The following ZNF777 variants were observed in gnomAD, a reference collection of about 807,000 sequenced individuals.
ZNF777 encodes zinc finger protein 777.
A neutral mutation model predicts 72.1 loss-of-function variants in ZNF777; 7 were observed. That is an observed-to-expected ratio of 0.10 (90% CI 0.06 to 0.18). The LOEUF (loss-of-function observed/expected upper bound fraction) is 0.18, where lower values mean the gene tolerates loss of function less well. Among genes scored for constraint, ZNF777 ranks in the 10% least tolerant of loss-of-function variants. The pLI is 1.00. For missense variants in ZNF777, 828 were observed against 1,128.6 expected (o/e 0.73, Z 3.82); for synonymous variants, 545 against 483.5 (o/e 1.13, Z -1.67).
In ZNF777 at chr7:149,447,878, G is replaced by A. The variant is rs1461300885; in HGVS notation, c.1087+3121C>T. Among the ~76,000 whole-genome samples, 3 of 152,128 alleles carry A rather than the reference G, an allele frequency of 2.0e-5. No homozygotes were observed. In the East Asian group the frequency reaches 5.8e-4, roughly 29 times the overall value. ...TGCTTTCATCTGTGGGGGGTGTTTT[G>A]GTTGTTAATGTCAGTCGCTCCACAG... On this transcript the variant is annotated intron_variant, in intron 4 of 5. Transcript: ENST00000247930.
At chr7:149,443,556 G>GT (rs1323466000) in intron 4 of ZNF777, among the ~76,000 whole-genome samples, 1 of 151,986 alleles carries the variant, frequency 6.6e-6, no homozygotes, top group Non-Finnish European at 1.5e-5. Flanking sequence ...ATACTGTTAG[G>GT]TTTTTTTAAT....
intron 4 of ZNF777, among the ~76,000 whole-genome samples, chr7:149,438,514 C>T (rs912616324): frequency 1.3e-5 from 2 of 152,166 alleles, no homozygotes; most frequent in Admixed American, 1.3e-4. Context: ...TACTAGCAGA[C>T]ACTGAGCACC....
At position 149,432,155 on chromosome 7, in the gene ZNF777, G is replaced by A. The variant is rs1799319320; in HGVS notation, c.2117C>T (p.Pro706Leu). The A allele has an allele frequency of 6.2e-7, 1 of 1,602,958 alleles. No homozygotes were observed. The highest frequency in any genetic ancestry group is 1.7e-5 in the Admixed American group (1 of 59,864). Residue 706 changes from proline (P) to leucine (L), a missense_variant, in exon 6 of 6, where the codon CCC becomes CTC. Physicochemically the swap from Pro to Leu is moderately conservative, Grantham distance 98. Around this residue, in one of 12 missense-constraint regions of ZNF777, gnomAD observed 49 missense variants for 135.8 expected, o/e 0.36. Coordinates refer to ENST00000247930, the MANE Select transcript of ZNF777 (RefSeq NM_015694.3). ...CCGCTGGTGGCGCAGCAGGTGCGAGGGGCGGCTGAAGCTCTTGCCGCACAG... is the reference window on the plus strand; with the variant it reads ...CCGCTGGTGGCGCAGCAGGTGCGAGAGGCGGCTGAAGCTCTTGCCGCACAG... ...CSLCGKSFSRPSHLLRHQRTH... is the reference protein window; with the variant it reads ...CSLCGKSFSRLSHLLRHQRTH...
At position 149,436,594 on chromosome 7, in the gene ZNF777, C is replaced by T. The variant is rs758282670; in HGVS notation, c.1320G>A (p.Val440=). 103 of 1,607,924 alleles carry T rather than the reference C, an allele frequency of 6.4e-5. No individual in the cohort carries two copies. Among genetic ancestry groups the T allele is most frequent in the Non-Finnish European group, 8.5e-5 (100 of 1,177,562 alleles). ...ACTCACCCGTGCAGTTCCTCTGCTG[C>T]ACCAGCATCTGCTTCAGTTCGCTGA... ...SEFSELKQML[V]QQRNCTEGIV... The change falls in exon 5 of 6, where the codon GTG becomes GTA. Residue 440 remains valine, a synonymous_variant. Coordinates refer to ENST00000247930, the MANE Select transcript of ZNF777 (RefSeq NM_015694.3). The surrounding 1 kb of genome is among the most constrained non-coding windows in gnomAD (Gnocchi z 5.0).
Position 149,460,141 on chromosome 7 carries a change from G to A in ZNF777, c.-16+674C>T. ...CCCTCACAGGAGCCGGGGCCGCCTC[G>A]GCCATGGCCCTGCGCTGTCCGGCCC... On this transcript the variant is annotated intron_variant, in intron 1 of 5. Transcript: ENST00000247930. The surrounding 1 kb of genome is among the most constrained non-coding windows in gnomAD (Gnocchi z 6.1). 1 of 979,226 alleles carries A rather than the reference G, an allele frequency of 1.0e-6. No individual in the cohort carries two copies. Among genetic ancestry groups the A allele is most frequent in the Non-Finnish European group, 1.2e-6 (1 of 826,632 alleles). 60.7% of individuals were successfully genotyped at this position (979,226 alleles called of 1,614,324 possible).
At chr7:149,445,076 ATTTTC>A (rs1301830332) in intron 4 of ZNF777, among the ~76,000 whole-genome samples, 1 of 144,480 alleles carries the variant, frequency 6.9e-6, no homozygotes, top group East Asian at 2.0e-4. Context: ...TTTTTTCCCT[ATTTTC>A]TTTTCTTTTA....
rs148217571 is a variant in ZNF777, at chr7:149,442,274, T to TACACAC, written c.1088-5454_1088-5449dup. 1.0e-3 allele frequency among the ~76,000 whole-genome samples: 142 copies of TACACAC among 138,560 alleles called. No homozygotes were observed. The Middle Eastern group carries it at 0.015, about 14-fold the overall frequency. The allele number at this position is 138,560 out of a possible 152,430, so 90.9% of individuals were successfully genotyped here. ...ATACATAAAAGTTAAAAACTGCTAT[T>TACACAC]ACACACACACACACACACACACACA... On this transcript the variant is annotated intron_variant, in intron 4 of 5. Coordinates refer to ENST00000247930, the MANE Select transcript of ZNF777 (RefSeq NM_015694.3).
At chr7:149,450,718 C>T (rs1799696931) in intron 4 of ZNF777, among the ~76,000 whole-genome samples, 1 of 152,188 alleles carries the variant, frequency 6.6e-6, no homozygotes, top group African/African-American at 2.4e-5. Context: ...CAAGGGACTG[C>T]CTTTCTTTGA....
Position 149,431,390 on chromosome 7 carries a change from C to CAAAT in ZNF777, c.*382_*385dup, listed in dbSNP as rs1184803146. ...CTTTTAAAAATTACTCTATTATTATCAAATAGAACCACAGTATCCAAAAGG... is the reference window on the plus strand; with the variant it reads ...CTTTTAAAAATTACTCTATTATTATCAAATAAATAGAACCACAGTATCCAAAAGG... On this transcript the variant is annotated 3_prime_UTR_variant, in exon 6 of 6. Transcript: ENST00000247930. 5.2e-6 allele frequency: 2 copies of CAAAT among 383,086 alleles called. No homozygotes were observed. Among genetic ancestry groups the CAAAT allele is most frequent in the Admixed American group, 4.1e-5 (1 of 24,584 alleles). 23.7% of individuals were successfully genotyped at this position (383,086 alleles called of 1,614,324 possible). A position where few individuals can be genotyped will look rare whatever the true frequency, so the allele number is the denominator to read the frequency against.
chr7:149,455,503 T>C lies in ZNF777; in HGVS notation c.520A>G (p.Lys174Glu). 1 of 1,614,028 alleles carries C rather than the reference T, an allele frequency of 6.2e-7. No individual in the cohort carries two copies. The highest frequency in any genetic ancestry group is 2.2e-5 in the East Asian group (1 of 44,868). Residue 174 changes from lysine to glutamate, a missense_variant, in exon 2 of 6, where the codon AAG becomes GAG. By Grantham distance (56) the Lys-to-Glu change is moderately conservative (BLOSUM62 1). Coordinates refer to ENST00000247930, the MANE Select transcript of ZNF777 (RefSeq NM_015694.3). This position sits in a 1 kb window ranked among gnomAD's most constrained non-coding sequence, Gnocchi z 4.2. ...TCTGCCGTGGGGAGCGGCTGTTCCTTCTGGACTGCAGAAGAGATCTGGAAA... is the reference window on the plus strand; with the variant it reads ...TCTGCCGTGGGGAGCGGCTGTTCCTCCTGGACTGCAGAAGAGATCTGGAAA... ...TPFQISSAVQ[K>E]EQPLPTAEIT...
chr7:149,452,324 G>T (rs1799736423), intron 3 of ZNF777, among the ~76,000 whole-genome samples: 1 of 145,414 alleles, frequency 6.9e-6, no homozygotes, highest in Admixed American at 6.9e-5. Context: ...AATCATCAAA[G>T]AATACATATT....
intron 3 of ZNF777, among the ~76,000 whole-genome samples, chr7:149,452,375 A>C (rs1799737871): frequency 6.6e-6 from 1 of 152,036 alleles, no homozygotes. Flanking sequence ...TCACGCCTGT[A>C]ATCCCAGCAC....
At position 149,460,341 on chromosome 7, in the gene ZNF777, G is replaced by C. The variant is rs1250876494; in HGVS notation, c.-16+474C>G. 1.4e-5 allele frequency among the ~76,000 whole-genome samples: 2 copies of C among 145,984 alleles called. No individual in the cohort carries two copies. The highest frequency in any genetic ancestry group is 4.9e-5 in the African/African-American group (2 of 40,774). On this transcript the variant is annotated intron_variant, in intron 1 of 5. Transcript: ENST00000247930. The surrounding 1 kb of genome is among the most constrained non-coding windows in gnomAD (Gnocchi z 6.1). ...CTCGGGGCGCGCGGGGCGAGCGGGC[G>C]CGGGGTCGCGGAGCCCGAGCGGCGG...
intron 4 of ZNF777, among the ~76,000 whole-genome samples, chr7:149,448,627 A>T (rs1420757211): frequency 6.9e-6 from 1 of 145,424 alleles, no homozygotes; most frequent in Non-Finnish European, 1.5e-5. Context: ...GAATACATAT[A>T]TATTTTAAGA....
intron 3 of ZNF777, among the ~76,000 whole-genome samples, chr7:149,453,816 C>T (rs1799770881): frequency 6.6e-6 from 1 of 152,114 alleles, no homozygotes; most frequent in African/African-American, 2.4e-5. Context: ...AAAAGGGGTC[C>T]CCATGGGGAA....
intron 4 of ZNF777, among the ~76,000 whole-genome samples, chr7:149,450,038 T>C (rs544205447): frequency 2.0e-4 from 31 of 152,340 alleles, no homozygotes; most frequent in Middle Eastern, 3.4e-3. Context: ...AAGACCTGGC[T>C]GTTGGCCCCA....
chr7:149,442,834 G>A (rs1478377839), intron 4 of ZNF777, among the ~76,000 whole-genome samples: 1 of 152,086 alleles, frequency 6.6e-6, no homozygotes, highest in Non-Finnish European at 1.5e-5. Flanking sequence ...CACCCTTATG[G>A]AAAGTCAAAT....
chr7:149,449,497 A>G (rs1201325403), intron 4 of ZNF777, among the ~76,000 whole-genome samples: 4 of 152,216 alleles, frequency 2.6e-5, no homozygotes, highest in Admixed American at 2.6e-4. Flanking sequence ...TTCCAAGAAA[A>G]TTCTATGAGA....
chr7:149,437,415 C>T (rs1425268915), intron 4 of ZNF777, among the ~76,000 whole-genome samples: 1 of 152,210 alleles, frequency 6.6e-6, no homozygotes, highest in Non-Finnish European at 1.5e-5. Flanking sequence ...ACCACTCCCA[C>T]CCTTCGGCCC....
Sources: allele counts gnomAD v4.1 joint callset (sites outside exome capture counted in the v4.1 genomes callset), GRCh38; gene constraint gnomAD v4.1.1; regional missense constraint gnomAD v4.1.1; non-coding constraint Gnocchi (gnomAD v3.1); transcripts MANE v1.5; gene names NCBI Gene and HGNC (gene_info 2026-07-23, HGNC 2026-07-21).